The following NRG3 variants were observed in gnomAD, a reference collection of about 807,000 sequenced individuals.
NRG3 encodes the protein pro-neuregulin-3, membrane-bound isoform.
In NRG3, 31 loss-of-function variants were observed where a neutral mutation model predicts 66.9. The observed-to-expected ratio is 0.46, with a 90% CI of 0.35 to 0.63. The LOEUF (loss-of-function observed/expected upper bound fraction) is 0.63, where lower values mean the gene tolerates loss of function less well. NRG3 is among the 20% of genes least tolerant of loss of function. The pLI is 0.00. For synonymous variants in NRG3, 393 were observed against 359.4 expected (o/e 1.09, Z -1.06); for missense variants, 910 against 878.9 (o/e 1.04, Z -0.45).
rs151223263 is a variant in NRG3, at chr10:82,231,873, C to T, written c.824-126866C>T. 4.3e-3 allele frequency among the ~76,000 whole-genome samples: 657 copies of T among 152,218 alleles called. 5 individuals carry two copies. Among genetic ancestry groups the T allele is most frequent in the African/African-American group, 0.015 (616 of 41,534 alleles). On this transcript the variant is annotated intron_variant, in intron 1 of 8. Transcript: ENST00000372141. Reference sequence around the variant, plus strand: ...AAAATTTTTAGTTAAACAGTTTTCTCTTAAATTGGATTAATAGTTTCTGAA... The same window carrying T: ...AAAATTTTTAGTTAAACAGTTTTCTTTTAAATTGGATTAATAGTTTCTGAA...
At chr10:82,530,554 G>T (rs960981339) in intron 2 of NRG3, among the ~76,000 whole-genome samples, 2 of 151,648 alleles carry the variant, frequency 1.3e-5, no homozygotes, top group African/African-American at 4.8e-5. Context: ...AACTTTTTTT[G>T]GGAAACTCAT....
intron 2 of NRG3, among the ~76,000 whole-genome samples, chr10:82,596,826 A>C (rs991342776): frequency 6.6e-6 from 1 of 152,188 alleles, no homozygotes; most frequent in African/African-American, 2.4e-5. Flanking sequence ...AAGGGAAAAG[A>C]CTGCAAAAGT....
chr10:81,973,096 A>G (rs1040777265), intron 1 of NRG3, among the ~76,000 whole-genome samples: 9 of 151,956 alleles, frequency 5.9e-5, no homozygotes, highest in Non-Finnish European at 7.4e-5. Context: ...GAAAGGCCCC[A>G]GTGTGTGTTG....
At chr10:82,347,667 T>A (rs11528219) in intron 1 of NRG3, among the ~76,000 whole-genome samples, 22,400 of 152,010 alleles carry the variant, frequency 0.15, 1,785 homozygotes, top group East Asian at 0.3. Flanking sequence ...GACAGTGGGG[T>A]GTTAAAGTCT....
At chr10:82,436,397 C>T (rs1408717633) in intron 2 of NRG3, among the ~76,000 whole-genome samples, 1 of 152,050 alleles carries the variant, frequency 6.6e-6, no homozygotes, top group Non-Finnish European at 1.5e-5. Context: ...GTAAATTTTC[C>T]TCTATCCCTT....
intron 1 of NRG3, among the ~76,000 whole-genome samples, chr10:81,980,223 A>G (rs1363734765): frequency 1.3e-5 from 2 of 150,766 alleles, no homozygotes; most frequent in Non-Finnish European, 3.0e-5. Context: ...TTGGTTGATC[A>G]TGAATTATTG....
At chr10:82,118,986 G>A (rs2067905917) in intron 1 of NRG3, among the ~76,000 whole-genome samples, 1 of 152,160 alleles carries the variant, frequency 6.6e-6, no homozygotes, top group African/African-American at 2.4e-5. Flanking sequence ...CCTGCTTAAA[G>A]GCAAGTTGTG....
At chr10:82,894,703 T>A (rs1184623739) in intron 4 of NRG3, among the ~76,000 whole-genome samples, 1 of 152,182 alleles carries the variant, frequency 6.6e-6, no homozygotes, top group South Asian at 2.1e-4. Context: ...TTGGCACAAC[T>A]ATCAGGCTCC....
At chr10:82,584,214 G>T (rs2046529147) in intron 2 of NRG3, among the ~76,000 whole-genome samples, 1 of 152,118 alleles carries the variant, frequency 6.6e-6, no homozygotes, top group South Asian at 2.1e-4. Context: ...AGCCTCTGGA[G>T]TAGCTGGGAT....
intron 2 of NRG3, among the ~76,000 whole-genome samples, chr10:82,604,008 T>C (rs1162922464): frequency 9.2e-5 from 14 of 152,132 alleles, no homozygotes; most frequent in Non-Finnish European, 1.6e-4. Context: ...CTTGTATTAG[T>C]GTGGTGTATT....
chr10:82,278,648 A>T (rs952406585), intron 1 of NRG3, among the ~76,000 whole-genome samples: 1 of 152,134 alleles, frequency 6.6e-6, no homozygotes, highest in African/African-American at 2.4e-5. Flanking sequence ...AGCTGTCTGA[A>T]ATAATAAACA....
At chr10:82,536,854 T>A (rs1294768405) in intron 2 of NRG3, among the ~76,000 whole-genome samples, 1 of 151,300 alleles carries the variant, frequency 6.6e-6, no homozygotes, top group African/African-American at 2.4e-5. Flanking sequence ...TAATTTTTAT[T>A]ATTAAATATT....
intron 7 of NRG3, among the ~76,000 whole-genome samples, chr10:82,977,355 TC>T (rs111904666): frequency 1.9e-3 from 291 of 152,192 alleles, no homozygotes; most frequent in African/African-American, 6.8e-3. Context: ...AAACCTGTAA[TC>T]CCAGCACTTT....
At chr10:82,718,169 C>A (rs2134467111) in intron 2 of NRG3, among the ~76,000 whole-genome samples, 1 of 152,346 alleles carries the variant, frequency 6.6e-6, no homozygotes, top group East Asian at 1.9e-4. Context: ...ACCCTAATTT[C>A]TTCAACTCAA....
In NRG3 at chr10:82,477,316, C is replaced by A. The variant is rs73305846; in HGVS notation, c.953+118448C>A. 4.3e-3 allele frequency among the ~76,000 whole-genome samples: 648 copies of A among 152,262 alleles called. 5 individuals carry two copies. The highest frequency in any genetic ancestry group is 0.015 in the African/African-American group (627 of 41,524). ...CAGAGTTGGGTTCCAGAAGAAAGAA[C>A]ATGACCAACGCAGTGAGATGAGAAA... On this transcript the variant is annotated intron_variant, in intron 2 of 8. Coordinates refer to ENST00000372141, the MANE Select transcript of NRG3 (RefSeq NM_001010848.4).
Position 82,473,622 on chromosome 10 carries a change from CT to C in NRG3, c.953+114756del, listed in dbSNP as rs59424694. 1.3e-3 allele frequency among the ~76,000 whole-genome samples: 204 copies of C among 152,282 alleles called. 5 individuals carry two copies. In the East Asian group the frequency reaches 0.035, roughly 26 times the overall value. On this transcript the variant is annotated intron_variant, in intron 2 of 8. Coordinates refer to ENST00000372141, the MANE Select transcript of NRG3 (RefSeq NM_001010848.4). ...GATGGGGAGCTTTGTGGCATTTTCA[CT>C]TGCCATTGCCCCTTTGCCTTCCCAG...
intron 3 of NRG3, among the ~76,000 whole-genome samples, chr10:82,858,587 T>G (rs976116837): frequency 6.6e-6 from 1 of 152,220 alleles, no homozygotes; most frequent in Non-Finnish European, 1.5e-5. Flanking sequence ...TCTTCTCAGT[T>G]GCAATGGACT....
chr10:82,878,877 C>T (rs1220670339), intron 4 of NRG3, among the ~76,000 whole-genome samples: 1 of 152,156 alleles, frequency 6.6e-6, no homozygotes, highest in African/African-American at 2.4e-5. Flanking sequence ...CATGATTTGG[C>T]TCTGCCTGGC....
chr10:82,144,188 T>G (rs1286642820), intron 1 of NRG3, among the ~76,000 whole-genome samples: 1 of 152,170 alleles, frequency 6.6e-6, no homozygotes, highest in Non-Finnish European at 1.5e-5. Context: ...TGTGCTCTTA[T>G]TCACGTGAGG....
Sources: gnomAD v4.1 joint callset for allele counts (sites outside exome capture counted in the v4.1 genomes callset) on GRCh38, gnomAD v4.1.1 for gene constraint, MANE v1.5 for transcripts, NCBI Gene and HGNC (gene_info 2026-07-23, HGNC 2026-07-21) for gene names.